KIAA1328: variants seen among roughly 807,000 people sequenced by gnomAD.
KIAA1328 encodes KIAA1328, also known as protein hinderin.
Under a neutral mutation model 68.1 loss-of-function variants are expected in KIAA1328, and 52 were observed. The observed-to-expected ratio is 0.76, with a 90% confidence interval of 0.61 to 0.96. The LOEUF is 0.96. Ranked by LOEUF, KIAA1328 falls within the 40% of genes least tolerant of loss-of-function variation. KIAA1328 has a pLI of 0.00. For synonymous variants in KIAA1328, 232 were observed against 239.4 expected (o/e 0.97, Z 0.28); for missense variants, 641 against 677.6 (o/e 0.95, Z 0.60).
At chr18:36,873,179 C>T (rs1278342474) in intron 4 of KIAA1328, among the ~76,000 whole-genome samples, 1 of 152,132 alleles carries the variant, frequency 6.6e-6, no homozygotes, top group East Asian at 1.9e-4. Flanking sequence ...CAATTTCTCT[C>T]TTTCTTCTCC....
chr18:37,134,357 C>T (rs925331806), intron 7 of KIAA1328, among the ~76,000 whole-genome samples: 3 of 151,898 alleles, frequency 2.0e-5, no homozygotes, highest in Non-Finnish European at 4.4e-5. Context: ...TTATATAGGT[C>T]GTATCTGTTT....
At chr18:36,949,674 CTAGT>C (rs1360280508) in intron 5 of KIAA1328, among the ~76,000 whole-genome samples, 2 of 136,332 alleles carry the variant, frequency 1.5e-5, no homozygotes, top group African/African-American at 2.8e-5. Context: ...TCTAAAGGAG[CTAGT>C]TAAATACTCT....
At chr18:36,842,926 A>G (rs2046908397) in intron 3 of KIAA1328, among the ~76,000 whole-genome samples, 1 of 152,120 alleles carries the variant, frequency 6.6e-6, no homozygotes. Context: ...TTCAAATGCC[A>G]CTTTAAATTA....
At chr18:36,987,847 TA>T (rs965294288) in intron 6 of KIAA1328, among the ~76,000 whole-genome samples, 13 of 151,452 alleles carry the variant, frequency 8.6e-5, no homozygotes, top group African/African-American at 2.9e-4. Context: ...TTTGTTTTTT[TA>T]AAAAAAAAGA....
chr18:37,178,016 G>A (rs1387574150), intron 9 of KIAA1328, among the ~76,000 whole-genome samples: 1 of 151,874 alleles, frequency 6.6e-6, no homozygotes, highest in East Asian at 1.9e-4. Context: ...AATACATTAG[G>A]TTAGTGCAAA....
At chr18:37,055,787 C>T (rs2055883547) in intron 6 of KIAA1328, among the ~76,000 whole-genome samples, 1 of 152,074 alleles carries the variant, frequency 6.6e-6, no homozygotes, top group Non-Finnish European at 1.5e-5. Context: ...TTTGAAGTTA[C>T]AAAACTGAGA....
chr18:37,045,188 CAA>C (rs1486200961), intron 6 of KIAA1328, among the ~76,000 whole-genome samples: 4 of 152,078 alleles, frequency 2.6e-5, no homozygotes, highest in Non-Finnish European at 5.9e-5. Context: ...CCTGTTTTAA[CAA>C]AATGGAAAAT....
chr18:37,229,581 A>C (rs1460087978), downstream of KIAA1328: 1 of 1,276,994 alleles, frequency 7.8e-7, no homozygotes, highest in East Asian at 5.7e-5. Context: ...AATCTTCAAG[A>C]AGTATCAAGT....
intron 5 of KIAA1328, among the ~76,000 whole-genome samples, chr18:36,913,450 T>C (rs2049539122): frequency 6.7e-6 from 1 of 149,624 alleles, no homozygotes; most frequent in African/African-American, 2.5e-5. Context: ...CATAAATCTT[T>C]CCTGGATGTA....
At chr18:37,163,208 A>G (rs972488112) in intron 8 of KIAA1328, among the ~76,000 whole-genome samples, 1 of 152,192 alleles carries the variant, frequency 6.6e-6, no homozygotes, top group Non-Finnish European at 1.5e-5. Context: ...AGAGCCCTCA[A>G]AACTGAGGGC....
intron 9 of KIAA1328, among the ~76,000 whole-genome samples, chr18:37,190,366 T>A (rs1350789958): frequency 6.6e-6 from 1 of 152,188 alleles, no homozygotes; most frequent in Non-Finnish European, 1.5e-5. Context: ...TAAAAATGAC[T>A]CCTACCTGTA....
At chr18:37,048,874 T>A (rs1008987170) in intron 6 of KIAA1328, among the ~76,000 whole-genome samples, 1 of 152,214 alleles carries the variant, frequency 6.6e-6, no homozygotes, top group Non-Finnish European at 1.5e-5. Flanking sequence ...ATTTAGCTGT[T>A]GCTGCTCCTG....
At chr18:37,097,044 A>T (rs1460245901) in intron 7 of KIAA1328, among the ~76,000 whole-genome samples, 3 of 152,084 alleles carry the variant, frequency 2.0e-5, no homozygotes, top group Non-Finnish European at 4.4e-5. Context: ...CTCTGATGGT[A>T]GTTTCTTTTG....
chr18:36,921,066 C>T (rs1248522223), intron 5 of KIAA1328: 1 of 152,210 alleles, frequency 6.6e-6, no homozygotes, highest in East Asian at 1.9e-4. Flanking sequence ...TTTACCTTTT[C>T]TCTGGCAGCA....
intron 7 of KIAA1328, among the ~76,000 whole-genome samples, chr18:37,069,666 T>C (rs2056461965): frequency 6.6e-6 from 1 of 152,206 alleles, no homozygotes; most frequent in Non-Finnish European, 1.5e-5. Context: ...TTTTGAGACT[T>C]TTTAAATTCC....
intron 6 of KIAA1328, among the ~76,000 whole-genome samples, chr18:37,049,206 A>C (rs1241256027): frequency 6.6e-6 from 1 of 152,206 alleles, no homozygotes; most frequent in Non-Finnish European, 1.5e-5. Context: ...GCTAACACTT[A>C]ACTGTCATGG....
intron 7 of KIAA1328, among the ~76,000 whole-genome samples, chr18:37,102,473 G>A (rs767302688): frequency 8.6e-5 from 13 of 151,884 alleles, no homozygotes; most frequent in African/African-American, 2.2e-4. Context: ...ACAAAACAAC[G>A]GATAAAGACC....
chr18:37,122,358 TG>T (rs1223842360), intron 7 of KIAA1328, among the ~76,000 whole-genome samples: 1 of 151,886 alleles, frequency 6.6e-6, no homozygotes, highest in African/African-American at 2.4e-5. Flanking sequence ...GAAGTAGTAA[TG>T]ACAACAGGAC....
At position 37,069,395 on chromosome 18, in the gene KIAA1328, G is replaced by A. The variant is rs149040643; in HGVS notation, c.1232+1850G>A. Among the ~76,000 whole-genome samples the A allele has an allele frequency of 2.8e-3, 430 of 152,166 alleles. 3 individuals are homozygous for A. The highest frequency in any genetic ancestry group is 9.8e-3 in the African/African-American group (405 of 41,496). Reference sequence around the variant, plus strand: ...ATGCCTCAGCCTCCCAAGTAGCTGGGATTACAGGCGTGAGCCACTGCATCT... The same window carrying A: ...ATGCCTCAGCCTCCCAAGTAGCTGGAATTACAGGCGTGAGCCACTGCATCT... On this transcript the variant is annotated intron_variant, in intron 7 of 9. Coordinates refer to ENST00000280020, the MANE Select transcript of KIAA1328 (RefSeq NM_020776.3).
Sources: gnomAD v4.1 joint callset for allele counts (sites outside exome capture counted in the v4.1 genomes callset) on GRCh38, gnomAD v4.1.1 for gene constraint, MANE v1.5 for transcripts, NCBI Gene and HGNC (gene_info 2026-07-23, HGNC 2026-07-21) for gene names.